MGAT5: variants seen among roughly 807,000 people sequenced by gnomAD.
The protein encoded by MGAT5 is alpha-1,6-mannosylglycoprotein 6-beta-N-acetylglucosaminyltransferase A.
In MGAT5, 30 loss-of-function variants were observed where a neutral mutation model predicts 94.3. The observed-to-expected ratio is 0.32, with a 90% CI of 0.24 to 0.43. The LOEUF (loss-of-function observed/expected upper bound fraction) is 0.43. Among genes scored for constraint, MGAT5 ranks in the 20% least tolerant of loss-of-function variants. The pLI is 1.00. For synonymous variants in MGAT5, 310 were observed against 322.9 expected, an observed-to-expected ratio of 0.96 and a Z score of 0.43; for missense variants, 691 against 905.5, an observed-to-expected ratio of 0.76 and a Z score of 3.04.
At chr2:134,142,873 A>G (rs1010373640) in intron 1 of MGAT5, among the ~76,000 whole-genome samples, 2 of 150,726 alleles carry the variant, frequency 1.3e-5, no homozygotes, top group Non-Finnish European at 3.0e-5. Flanking sequence ...TCCTGCCTTG[A>G]CCTCCCAAAG....
chr2:134,426,756 C>G (rs966092908), intron 13 of MGAT5, among the ~76,000 whole-genome samples: 19 of 150,942 alleles, frequency 1.3e-4, no homozygotes, highest in Non-Finnish European at 2.8e-4. Context: ...AGGGCTGTGT[C>G]TGGGTTAGAG....
intron 1 of MGAT5, among the ~76,000 whole-genome samples, chr2:134,203,576 G>A (rs753045769): frequency 3.3e-5 from 5 of 151,980 alleles, no homozygotes; most frequent in African/African-American, 4.8e-5. Context: ...GAGGGTGTGC[G>A]GAGGCTGAAT....
At position 134,332,616 on chromosome 2, in the gene MGAT5, C is replaced by G. The variant is rs569337556; in HGVS notation, c.574-3601C>G. ...ATCTAATTAAACTAAAGAACTTCTG[C>G]ACAGCAAAAGAAACTACCATCAGAG... On this transcript the variant is annotated intron_variant, in intron 4 of 15. Coordinates refer to ENST00000281923, the MANE Select transcript of MGAT5 (RefSeq NM_002410.5). Among the ~76,000 whole-genome samples the G allele has an allele frequency of 3.3e-5, 5 of 152,126 alleles. No individual in the cohort carries two copies. In the South Asian group the frequency reaches 1.0e-3, roughly 32 times the overall value.
chr2:134,426,067 G>T (rs565030340), intron 13 of MGAT5, among the ~76,000 whole-genome samples: 2 of 152,122 alleles, frequency 1.3e-5, no homozygotes, highest in East Asian at 1.9e-4. Flanking sequence ...AAAACTGCCC[G>T]CTCTCCCAGC....
chr2:134,214,552 C>T (rs1321812736), intron 1 of MGAT5, among the ~76,000 whole-genome samples: 2 of 151,466 alleles, frequency 1.3e-5, no homozygotes, highest in Non-Finnish European at 2.9e-5. Flanking sequence ...AGCCCTTGGG[C>T]CATGGGTTGG....
At chr2:134,398,847 T>G (rs1377195475) in intron 10 of MGAT5, among the ~76,000 whole-genome samples, 2 of 152,166 alleles carry the variant, frequency 1.3e-5, no homozygotes, top group African/African-American at 2.4e-5. Context: ...CTCACTCCTA[T>G]GTAGGAGCTA....
intron 10 of MGAT5, 114 bp from the exon 11 acceptor site, chr2:134,402,874 A>C: frequency 9.5e-7 from 1 of 1,047,442 alleles, no homozygotes; most frequent in Non-Finnish European, 1.3e-6. Flanking sequence ...TGTGATCTCC[A>C]TATTAAGAAC....
At chr2:134,256,719 A>G (rs1682984915) in intron 1 of MGAT5, among the ~76,000 whole-genome samples, 1 of 152,236 alleles carries the variant, frequency 6.6e-6, no homozygotes, top group South Asian at 2.1e-4. Context: ...CAAAGAAACT[A>G]TAGAAATTAT....
chr2:134,137,960 G>A (rs1573725191), intron 1 of MGAT5, among the ~76,000 whole-genome samples: 1 of 146,506 alleles, frequency 6.8e-6, no homozygotes, highest in African/African-American at 2.5e-5. Context: ...TTACAGATTT[G>A]TGTTCAAGAT....
chr2:134,240,200 C>T (rs1681895658), intron 1 of MGAT5, among the ~76,000 whole-genome samples: 1 of 152,182 alleles, frequency 6.6e-6, no homozygotes, highest in African/African-American at 2.4e-5. Context: ...AGGTCAAATA[C>T]TCATTCTTTG....
rs374592362 is a variant in MGAT5 at position 134,317,743 on chromosome 2, C to T, written c.483+138C>T. The stretch of plus-strand genomic sequence containing the variant: ...CATTTATGGGGTGCCTCCATCCTGC[C>T]GGCTTTGTCTGTGGCTATGACAACC... On this transcript the variant is annotated intron_variant, in intron 3 of 15. Transcript: ENST00000281923. 9.6e-6 allele frequency: 5 copies of T among 521,012 alleles called. No homozygotes were observed. In the Admixed American group the frequency reaches 1.3e-4, roughly 14 times the overall value. The allele number at this position is 521,012 out of a possible 1,614,324, so 32.3% of individuals were successfully genotyped here. A position where few individuals can be genotyped will look rare whatever the true frequency, so the allele number is the denominator to read the frequency against.
At chr2:134,391,557 T>G (rs927843222) in intron 10 of MGAT5, among the ~76,000 whole-genome samples, 3 of 152,102 alleles carry the variant, frequency 2.0e-5, no homozygotes, top group Admixed American at 1.3e-4. Context: ...GTGGAAAGAG[T>G]GACCTAGATC....
At chr2:134,416,863 C>T (rs1432657300) in intron 12 of MGAT5, among the ~76,000 whole-genome samples, 1 of 151,416 alleles carries the variant, frequency 6.6e-6, no homozygotes, top group African/African-American at 2.4e-5. Context: ...ACCTCAGCCT[C>T]CCAAAGTGCT....
intron 2 of MGAT5, among the ~76,000 whole-genome samples, chr2:134,273,181 C>T (rs771879053): frequency 2.0e-5 from 3 of 152,174 alleles, no homozygotes; most frequent in Non-Finnish European, 2.9e-5. Context: ...TTTTAAAAAA[C>T]GATTTGCCAT....
At chr2:134,225,504 A>AT (rs1376725171) in intron 1 of MGAT5, among the ~76,000 whole-genome samples, 3 of 152,154 alleles carry the variant, frequency 2.0e-5, no homozygotes, top group Non-Finnish European at 2.9e-5. Flanking sequence ...ATTTTCTATC[A>AT]TTTTTTTGAT....
At chr2:134,433,581 A>G (rs368754341) in intron 14 of MGAT5, among the ~76,000 whole-genome samples, 65 of 152,224 alleles carry the variant, frequency 4.3e-4, no homozygotes, top group African/African-American at 1.6e-3. Flanking sequence ...CTTCTGGGAA[A>G]CAACCTCTGG....
intron 1 of MGAT5, among the ~76,000 whole-genome samples, chr2:134,193,614 C>T (rs922151625): frequency 7.2e-5 from 11 of 151,758 alleles, no homozygotes; most frequent in African/African-American, 1.7e-4. Flanking sequence ...GTGAGCCCCT[C>T]TGAGTTTTTT....
At position 134,441,857 on chromosome 2, in the gene MGAT5, C is replaced by A; in HGVS notation, c.1969C>A (p.Gln657Lys). 6.2e-7 allele frequency: 1 copy of A among 1,614,070 alleles called. No homozygotes were observed. Among genetic ancestry groups the A allele is most frequent in the Non-Finnish European group, 8.5e-7 (1 of 1,179,998 alleles). ...QSCKQVCQES[Q>K]LICEPSFFQH... Reference sequence around the variant, plus strand: ...CTGCAAGCAGGTGTGCCAGGAGAGCCAGCTCATCTGCGAGCCTTCTTTCTT... The same window carrying A: ...CTGCAAGCAGGTGTGCCAGGAGAGCAAGCTCATCTGCGAGCCTTCTTTCTT... Residue 657 changes from glutamine to lysine, a missense_variant, in exon 15 of 16, where the codon CAG becomes AAG. Around this residue, in one of 4 missense-constraint regions of MGAT5, gnomAD observed 260 missense variants for 347.0 expected, o/e 0.75. Transcript: ENST00000281923.
chr2:134,136,756 AC>A (rs1356890357), intron 1 of MGAT5, among the ~76,000 whole-genome samples: 1 of 152,008 alleles, frequency 6.6e-6, no homozygotes, highest in Non-Finnish European at 1.5e-5. Context: ...TGTGTTCTAG[AC>A]CCTGCACACC....
Sources: allele counts gnomAD v4.1 joint callset (sites outside exome capture counted in the v4.1 genomes callset), GRCh38; gene constraint gnomAD v4.1.1; regional missense constraint gnomAD v4.1.1; transcripts MANE v1.5; gene names NCBI Gene and HGNC (gene_info 2026-07-23, HGNC 2026-07-21).